Variants in CSNK1G1 observed in about 807,000 individuals in gnomAD.
CSNK1G1 encodes the protein casein kinase 1 gamma 1.
Under a neutral mutation model 59.6 loss-of-function variants are expected in CSNK1G1, and 22 were observed. The ratio of observed to expected loss-of-function variants is 0.37; its 90% CI spans 0.26 to 0.53. The LOEUF (loss-of-function observed/expected upper bound fraction) is 0.53. CSNK1G1 is among the 20% of genes least tolerant of loss of function. CSNK1G1 has a pLI of 0.89. For synonymous variants in CSNK1G1, 179 were observed against 177.1 expected (o/e 1.01, Z -0.08); for missense variants, 384 against 519.5 (o/e 0.74, Z 2.54).
chr15:64,194,171 CTCTG>C (rs1398711728), intron 10 of CSNK1G1: 1 of 152,244 alleles, frequency 6.6e-6, no homozygotes, highest in Non-Finnish European at 1.5e-5. Context: ...AGTGTGCAAT[CTCTG>C]TCTGTGCTCC....
In CSNK1G1 at chr15:64,166,795, T is replaced by C. The variant is rs368074567; in HGVS notation, c.*5136A>G. 1 of 152,582 alleles carries C rather than the reference T, an allele frequency of 6.6e-6. No homozygotes were observed. The highest frequency in any genetic ancestry group is 1.9e-4 in the East Asian group (1 of 5,198). 9.5% of individuals were successfully genotyped at this position (152,582 alleles called of 1,614,324 possible). A position where few individuals can be genotyped will look rare whatever the true frequency, so the allele number is the denominator to read the frequency against. On this transcript the variant is annotated 3_prime_UTR_variant, in exon 12 of 12. Coordinates refer to ENST00000303052, the MANE Select transcript of CSNK1G1 (RefSeq NM_022048.5). This position sits in a 1 kb window ranked among gnomAD's most constrained non-coding sequence, Gnocchi z 4.5. ...CAGAACAGCTGTCCTCTTGTGGGTG[T>C]TACTGGAATGGCTGCACCACACCCC... is the stretch of plus-strand genomic sequence containing the variant.
chr15:64,219,765 T>C (rs1398716881), intron 4 of CSNK1G1, among the ~76,000 whole-genome samples: 1 of 146,804 alleles, frequency 6.8e-6, no homozygotes, highest in African/African-American at 2.6e-5. Context: ...TTTTTTCTTT[T>C]TCTTTTCTTT....
chr15:64,277,084 T>C (rs1012269702), intron 2 of CSNK1G1, among the ~76,000 whole-genome samples: 23 of 151,700 alleles, frequency 1.5e-4, no homozygotes, highest in African/African-American at 5.6e-4. Context: ...TTAGACAAAA[T>C]AGTCAAATAT....
chr15:64,201,333 T>C (rs1440019939), intron 10 of CSNK1G1, among the ~76,000 whole-genome samples: 1 of 151,484 alleles, frequency 6.6e-6, no homozygotes, highest in African/African-American at 2.4e-5. Flanking sequence ...TCTAGAGAAT[T>C]TGTACAATTC....
At chr15:64,185,790 A>T (rs2081884859) in intron 10 of CSNK1G1, among the ~76,000 whole-genome samples, 1 of 151,660 alleles carries the variant, frequency 6.6e-6, no homozygotes, top group African/African-American at 2.4e-5. Context: ...TGAACCCGGG[A>T]AACAGCAGTT....
intron 10 of CSNK1G1, among the ~76,000 whole-genome samples, chr15:64,199,956 C>T (rs569681463): frequency 1.2e-3 from 181 of 152,200 alleles, no homozygotes; most frequent in African/African-American, 4.1e-3. Flanking sequence ...AAAAAATAGG[C>T]ACAAGGTGCC....
Position 64,259,630 on chromosome 15 carries a change from T to C in CSNK1G1, c.182-389A>G, listed in dbSNP as rs148374307. 3.8e-4 allele frequency among the ~76,000 whole-genome samples: 58 copies of C among 152,178 alleles called. 1 individual carries two copies. The highest frequency in any genetic ancestry group is 6.8e-3 in the Middle Eastern group (2 of 294). ...CTCTTGGCACAATAAACACAAACCT[T>C]CATTCTTCGAACTAACTGGCAAATA... On this transcript the variant is annotated intron_variant, in intron 2 of 11. Coordinates refer to ENST00000303052, the MANE Select transcript of CSNK1G1 (RefSeq NM_022048.5).
At chr15:64,290,815 G>A (rs576176957) in intron 2 of CSNK1G1, among the ~76,000 whole-genome samples, 24 of 152,160 alleles carry the variant, frequency 1.6e-4, no homozygotes, top group African/African-American at 5.5e-4. Flanking sequence ...GCAATGGCAC[G>A]ATCTCAGCTC....
intron 1 of CSNK1G1, among the ~76,000 whole-genome samples, chr15:64,349,182 C>T (rs1898143468): frequency 1.3e-5 from 2 of 150,166 alleles, no homozygotes; most frequent in African/African-American, 4.9e-5. Context: ...AAATGTATAA[C>T]TTTCATTCAG....
At chr15:64,240,547 A>G (rs961862969) in intron 4 of CSNK1G1, among the ~76,000 whole-genome samples, 3 of 152,154 alleles carry the variant, frequency 2.0e-5, no homozygotes, top group Admixed American at 6.5e-5. Flanking sequence ...CAGCAAGAAA[A>G]AAGAGTCAAG....
intron 2 of CSNK1G1, among the ~76,000 whole-genome samples, chr15:64,267,596 G>A (rs947593580): frequency 7.2e-5 from 11 of 151,992 alleles, no homozygotes; most frequent in African/African-American, 2.7e-4. Flanking sequence ...AAATCAAGTC[G>A]AAACCACAAT....
intron 1 of CSNK1G1, among the ~76,000 whole-genome samples, chr15:64,307,354 TA>T (rs1895733987): frequency 6.6e-6 from 1 of 152,002 alleles, no homozygotes; most frequent in African/African-American, 2.4e-5. Flanking sequence ...TAATTCTATC[TA>T]AAAAAAGCAA....
rs1254333175 is a variant in CSNK1G1 at position 64,188,299 on chromosome 15, G to A, written c.1108-7845C>T. 1.2e-4 allele frequency: 127 copies of A among 1,071,100 alleles called. No individual in the cohort carries two copies. The East Asian group carries it at 2.9e-3, about 25-fold the overall frequency. The allele number at this position is 1,071,100 out of a possible 1,614,324, so 66.3% of individuals were successfully genotyped here. On this transcript the variant is annotated intron_variant, in intron 10 of 11. Transcript: ENST00000303052. This position sits in a 1 kb window ranked among gnomAD's most constrained non-coding sequence, Gnocchi z 4.2. ...TGTAAGCTTCCTTTCTAAGGCTGCC[G>A]AAGGTTCAGAAGCAAGCCAACATTC...
chr15:64,276,741 C>T (rs1018003989), intron 2 of CSNK1G1, among the ~76,000 whole-genome samples: 8 of 152,052 alleles, frequency 5.3e-5, no homozygotes, highest in East Asian at 1.9e-4. Context: ...GTCAGGAGAT[C>T]GAGACCATCC....
At chr15:64,313,406 A>G (rs1026191014) in intron 1 of CSNK1G1, among the ~76,000 whole-genome samples, 4 of 152,224 alleles carry the variant, frequency 2.6e-5, no homozygotes, top group Non-Finnish European at 4.4e-5. Flanking sequence ...TACACCATGG[A>G]ATACTATGCA....
At chr15:64,252,603 G>A (rs1351737929) in intron 3 of CSNK1G1, among the ~76,000 whole-genome samples, 1 of 152,150 alleles carries the variant, frequency 6.6e-6, no homozygotes, top group Non-Finnish European at 1.5e-5. Context: ...TTTTGGACAC[G>A]TGAACTGTTT....
intron 4 of CSNK1G1, among the ~76,000 whole-genome samples, chr15:64,228,558 C>T (rs1296333203): frequency 6.6e-6 from 1 of 152,126 alleles, no homozygotes; most frequent in Non-Finnish European, 1.5e-5. Context: ...ATCACTTGAA[C>T]CCCAGAGGCG....
At chr15:64,309,325 C>T (rs1895862695) in intron 1 of CSNK1G1, among the ~76,000 whole-genome samples, 2 of 150,070 alleles carry the variant, frequency 1.3e-5, no homozygotes, top group South Asian at 4.3e-4. Flanking sequence ...CACACACACA[C>T]ACACACACAC....
At chr15:64,354,606 G>A (rs1176428005) in intron 1 of CSNK1G1, among the ~76,000 whole-genome samples, 1 of 152,034 alleles carries the variant, frequency 6.6e-6, no homozygotes, top group African/African-American at 2.4e-5. Flanking sequence ...CCTATTGTAT[G>A]CATTTTTTTT....
Sources: allele counts gnomAD v4.1 joint callset (sites outside exome capture counted in the v4.1 genomes callset), GRCh38; gene constraint gnomAD v4.1.1; non-coding constraint Gnocchi (gnomAD v3.1); transcripts MANE v1.5; gene names NCBI Gene and HGNC (gene_info 2026-07-23, HGNC 2026-07-21).